SPON1: variants seen among roughly 807,000 people sequenced by gnomAD.
SPON1 encodes spondin-1.
A neutral mutation model predicts 111.7 loss-of-function variants in SPON1; 52 were observed. That is an observed-to-expected ratio of 0.47 (90% CI 0.37 to 0.59). The LOEUF is 0.59. Among genes scored for constraint, SPON1 ranks in the 20% least tolerant of loss-of-function variants. The pLI is 0.00. For synonymous variants in SPON1, 410 were observed against 395.8 expected (o/e 1.04, Z -0.43); for missense variants, 957 against 1,068.5 (o/e 0.90, Z 1.46).
At chr11:14,246,039 A>T (rs1848985520) in intron 7 of SPON1, among the ~76,000 whole-genome samples, 2 of 152,208 alleles carry the variant, frequency 1.3e-5, no homozygotes, top group African/African-American at 4.8e-5. Flanking sequence ...TGGCTCCCAG[A>T]ACCTATGTGT....
At chr11:14,197,448 T>G (rs1848414212) in intron 6 of SPON1, among the ~76,000 whole-genome samples, 2 of 151,690 alleles carry the variant, frequency 1.3e-5, no homozygotes, top group African/African-American at 4.8e-5. Context: ...CCATGAAGCT[T>G]AAACTTTATT....
At chr11:14,146,565 C>T (rs1475136786) in intron 6 of SPON1, among the ~76,000 whole-genome samples, 6 of 152,116 alleles carry the variant, frequency 3.9e-5, no homozygotes, top group African/African-American at 1.4e-4. Context: ...TTAAAGTGTT[C>T]CCTCAAAAAT....
At chr11:14,225,700 TG>T in intron 6 of SPON1, among the ~76,000 whole-genome samples, 1 of 152,344 alleles carries the variant, frequency 6.6e-6, no homozygotes, top group Admixed American at 6.5e-5. Flanking sequence ...ATCGGATTAT[TG>T]ATACTCTCTT....
chr11:13,996,604 A>T (rs1848273985), intron 2 of SPON1, among the ~76,000 whole-genome samples: 1 of 152,242 alleles, frequency 6.6e-6, no homozygotes, highest in Middle Eastern at 3.2e-3. Flanking sequence ...ACAGAGAAAG[A>T]TAAAAAAGAA....
At chr11:14,140,480 C>T (rs1022558136) in intron 6 of SPON1, among the ~76,000 whole-genome samples, 17 of 152,088 alleles carry the variant, frequency 1.1e-4, no homozygotes, top group South Asian at 2.1e-4. Context: ...CTGCAACCTC[C>T]GCCTCCTGGG....
chr11:14,071,233 C>A (rs971536629), intron 3 of SPON1, among the ~76,000 whole-genome samples: 13 of 152,072 alleles, frequency 8.5e-5, no homozygotes, highest in Non-Finnish European at 2.9e-5. Flanking sequence ...ATATAAAATT[C>A]TCTCAGGAGT....
Position 14,256,710 on chromosome 11 carries a change from GT to G in SPON1, c.1309+20del. On this transcript the variant is annotated intron_variant, in intron 10 of 15. Transcript: ENST00000576479. ...AGATGAAGGTACGTTGTTTTCTTTT[GT>G]TGCAGGTGGCAACATAAATTGACAT... The G allele has an allele frequency of 6.9e-6, 11 of 1,602,878 alleles. No individual in the cohort carries two copies. Among genetic ancestry groups the G allele is most frequent in the Non-Finnish European group, 7.7e-6 (9 of 1,171,084 alleles).
chr11:14,088,344 G>C (rs951905203), intron 5 of SPON1, among the ~76,000 whole-genome samples: 3 of 152,120 alleles, frequency 2.0e-5, no homozygotes, highest in Non-Finnish European at 2.9e-5. Flanking sequence ...AAATCCCTCA[G>C]CATTTGCTTG....
At chr11:14,227,625 T>C (rs890426802) in intron 6 of SPON1, among the ~76,000 whole-genome samples, 1 of 152,238 alleles carries the variant, frequency 6.6e-6, no homozygotes, top group Admixed American at 6.5e-5. Context: ...CTACTGCCAT[T>C]TATTGAGCAC....
chr11:14,127,544 G>T (rs1847474762), intron 5 of SPON1, among the ~76,000 whole-genome samples: 2 of 152,138 alleles, frequency 1.3e-5, no homozygotes, highest in African/African-American at 4.8e-5. Context: ...ATGGTACCAT[G>T]CAGCAGAGAA....
chr11:14,075,387 G>C lies in SPON1; in HGVS notation c.522G>C (p.Glu174Asp). The change falls in exon 4 of 16, where the codon GAG becomes GAC. Residue 174 changes from glutamate to aspartate, a missense_variant. By Grantham distance (45) the Glu-to-Asp change is conservative. Around this residue, in one of 5 missense-constraint regions of SPON1, gnomAD observed 262 missense variants for 253.9 expected, o/e 1.03. Transcript: ENST00000576479. ...AACGCATTATTTATTTTCAAGATGA[G>C]GGCTCTCTGACCAAGAAACTTTGTG... Reference protein sequence around the residue: ...VQKRIIYFQDEGSLTKKLCEQ... With the variant: ...VQKRIIYFQDDGSLTKKLCEQ... 1 of 1,560,230 alleles carries C rather than the reference G, an allele frequency of 6.4e-7. No homozygotes were observed. The highest frequency in any genetic ancestry group is 8.7e-7 in the Non-Finnish European group (1 of 1,151,124).
intron 2 of SPON1, among the ~76,000 whole-genome samples, chr11:14,030,811 A>G (rs1848553596): frequency 6.6e-6 from 1 of 152,236 alleles, no homozygotes; most frequent in South Asian, 2.1e-4. Context: ...TTCTCCAAGA[A>G]CTAAAAACAG....
In SPON1 at chr11:14,112,834, A is replaced by C. The variant is rs151135167; in HGVS notation, c.677-22586A>C. Among the ~76,000 whole-genome samples, 18 of 152,192 alleles carry C rather than the reference A, an allele frequency of 1.2e-4. No individual in the cohort carries two copies. In the East Asian group the frequency reaches 3.3e-3, roughly 28 times the overall value. Reference sequence around the variant, plus strand: ...ATGAAGTCCCTTCCTTGCTCCTTCTAATTCTTCCAAGCACTAGAATTCTGC... The same window carrying C: ...ATGAAGTCCCTTCCTTGCTCCTTCTCATTCTTCCAAGCACTAGAATTCTGC... On this transcript the variant is annotated intron_variant, in intron 5 of 15. Coordinates refer to ENST00000576479, the MANE Select transcript of SPON1 (RefSeq NM_006108.4).
At chr11:14,221,695 T>G (rs1490894229) in intron 6 of SPON1, among the ~76,000 whole-genome samples, 3 of 152,136 alleles carry the variant, frequency 2.0e-5, no homozygotes, top group African/African-American at 4.8e-5. Context: ...TCCCTCCATC[T>G]CCTTCTTATC....
chr11:14,192,225 A>G (rs868945374), intron 6 of SPON1, among the ~76,000 whole-genome samples: 1 of 140,360 alleles, frequency 7.1e-6, no homozygotes. Flanking sequence ...ACTTATGGCT[A>G]AAAGACAAGG....
Position 14,186,400 on chromosome 11 carries a change from T to A in SPON1, c.825+50832T>A, listed in dbSNP as rs183256195. Among the ~76,000 whole-genome samples, 3 of 152,282 alleles carry A rather than the reference T, an allele frequency of 2.0e-5. No individual in the cohort carries two copies. The East Asian group carries it at 5.8e-4, about 29-fold the overall frequency. Reference sequence around the variant, plus strand: ...TCTTGTGGGCCAGATAGGATTTGGATTGGCAGGGAGAGGACATTCCAGGGA... The same window carrying A: ...TCTTGTGGGCCAGATAGGATTTGGAATGGCAGGGAGAGGACATTCCAGGGA... On this transcript the variant is annotated intron_variant, in intron 6 of 15. Coordinates refer to ENST00000576479, the MANE Select transcript of SPON1 (RefSeq NM_006108.4).
chr11:14,199,482 C>T (rs1443442227), intron 6 of SPON1, among the ~76,000 whole-genome samples: 1 of 151,906 alleles, frequency 6.6e-6, no homozygotes, highest in African/African-American at 2.4e-5. Flanking sequence ...CTGGTTCAGG[C>T]CTCATCACCT....
At chr11:14,095,736 G>C (rs548505840) in intron 5 of SPON1, among the ~76,000 whole-genome samples, 164 of 152,280 alleles carry the variant, frequency 1.1e-3, no homozygotes, top group Non-Finnish European at 1.9e-3. Flanking sequence ...CCACCCACAC[G>C]GGGGATGGAA....
At chr11:14,013,125 T>G (rs1848418603) in intron 2 of SPON1, among the ~76,000 whole-genome samples, 2 of 152,196 alleles carry the variant, frequency 1.3e-5, no homozygotes, top group Admixed American at 1.3e-4. Flanking sequence ...TGCTTCTCCT[T>G]CAGAATAAGA....
Sources: allele counts gnomAD v4.1 joint callset (sites outside exome capture counted in the v4.1 genomes callset), GRCh38; gene constraint gnomAD v4.1.1; regional missense constraint gnomAD v4.1.1; transcripts MANE v1.5; gene names NCBI Gene and HGNC (gene_info 2026-07-23, HGNC 2026-07-21).